Variants in TMEM132D observed in about 807,000 individuals in gnomAD.
TMEM132D encodes mature OL transmembrane protein.
TMEM132D carries 21 observed loss-of-function variants against 62.3 expected under a neutral mutation model. The observed-to-expected ratio is 0.34, with a 90% CI of 0.24 to 0.49. The LOEUF (loss-of-function observed/expected upper bound fraction) is 0.49, where lower values mean the gene tolerates loss of function less well. TMEM132D is among the 20% of genes least tolerant of loss of function. The pLI, the probability that TMEM132D is intolerant of heterozygous loss-of-function variation, is 0.99. For synonymous variants in TMEM132D, 621 were observed against 575.6 expected (o/e 1.08, Z -1.13); for missense variants, 1,346 against 1,402.8 (o/e 0.96, Z 0.65).
At chr12:129,396,193 C>T (rs1366927608) in intron 3 of TMEM132D, among the ~76,000 whole-genome samples, 1 of 151,842 alleles carries the variant, frequency 6.6e-6, no homozygotes, top group East Asian at 1.9e-4. Flanking sequence ...TTAGCATAAA[C>T]ACACTTACGT....
intron 4 of TMEM132D, among the ~76,000 whole-genome samples, chr12:129,225,227 C>G (rs1879450490): frequency 6.6e-6 from 1 of 152,216 alleles, no homozygotes; most frequent in African/African-American, 2.4e-5. Flanking sequence ...ATGACTGGCG[C>G]ATACTAAGCA....
chr12:129,099,099 G>C (rs1467213025), intron 5 of TMEM132D, among the ~76,000 whole-genome samples: 1 of 152,134 alleles, frequency 6.6e-6, no homozygotes, highest in Non-Finnish European at 1.5e-5. Flanking sequence ...ATTTCCTGCT[G>C]TGCAGGCCCT....
intron 2 of TMEM132D, among the ~76,000 whole-genome samples, chr12:129,571,259 G>A (rs155697): frequency 0.39 from 59,509 of 151,942 alleles, 11,798 homozygotes; most frequent in East Asian, 0.54. Flanking sequence ...ACTCTTTATT[G>A]TCTAAGTGTT....
intron 1 of TMEM132D, among the ~76,000 whole-genome samples, chr12:129,808,192 C>T (rs78473502): frequency 0.014 from 2,118 of 152,290 alleles, 51 homozygotes; most frequent in African/African-American, 0.049. Context: ...TAATCACACA[C>T]GTCAACACCA....
At chr12:129,335,492 C>A (rs1395432482) in intron 4 of TMEM132D, among the ~76,000 whole-genome samples, 1 of 152,024 alleles carries the variant, frequency 6.6e-6, no homozygotes, top group Non-Finnish European at 1.5e-5. Flanking sequence ...AGGTATTATC[C>A]CTGTAACTCC....
At chr12:129,895,961 CTCTT>C (rs1593202575) in intron 1 of TMEM132D, among the ~76,000 whole-genome samples, 13 of 99,796 alleles carry the variant, frequency 1.3e-4, no homozygotes, top group South Asian at 3.1e-4. Context: ...TTCTCTGTCT[CTCTT>C]TTTTTTTTTT....
At chr12:129,778,098 G>C (rs1245805704) in intron 1 of TMEM132D, among the ~76,000 whole-genome samples, 2 of 118,544 alleles carry the variant, frequency 1.7e-5, no homozygotes, top group African/African-American at 6.6e-5. Flanking sequence ...CTGGGCAACA[G>C]AGTGAGACCC....
intron 4 of TMEM132D, among the ~76,000 whole-genome samples, chr12:129,238,226 C>A (rs1190615567): frequency 3.3e-5 from 5 of 152,082 alleles, no homozygotes. Flanking sequence ...TTATTCAATG[C>A]AATAGAAGGT....
In TMEM132D at chr12:129,539,601, G is replaced by A. The variant is rs141403731; in HGVS notation, c.969-8396C>T. ...TTTTTTTTTTTCTTTTAGCAGAGAC[G>A]GGATTTCACCATGTTGCCCAGACTG... On this transcript the variant is annotated intron_variant, in intron 2 of 8. Coordinates refer to ENST00000422113, the MANE Select transcript of TMEM132D (RefSeq NM_133448.3). Among the ~76,000 whole-genome samples the A allele has an allele frequency of 5.2e-3, 782 of 150,080 alleles. 7 individuals carry two copies. The highest frequency in any genetic ancestry group is 0.018 in the African/African-American group (734 of 40,878).
chr12:129,274,136 G>A (rs1022912261), intron 4 of TMEM132D, among the ~76,000 whole-genome samples: 2 of 151,724 alleles, frequency 1.3e-5, no homozygotes, highest in African/African-American at 2.4e-5. Flanking sequence ...AGATGATGCC[G>A]GAAGTCTTAT....
chr12:129,515,302 C>A (rs777882966), intron 3 of TMEM132D, among the ~76,000 whole-genome samples: 1 of 152,008 alleles, frequency 6.6e-6, no homozygotes, highest in Non-Finnish European at 1.5e-5. Context: ...TCAGAAAAGA[C>A]GTTTTGTACA....
intron 1 of TMEM132D, among the ~76,000 whole-genome samples, chr12:129,837,818 T>C (rs1034481631): frequency 1.3e-4 from 20 of 152,196 alleles, no homozygotes; most frequent in African/African-American, 4.6e-4. Flanking sequence ...CCACGAAATA[T>C]ACATGAAATG....
At chr12:129,826,962 A>G (rs1305279483) in intron 1 of TMEM132D, among the ~76,000 whole-genome samples, 1 of 152,252 alleles carries the variant, frequency 6.6e-6, no homozygotes, top group Non-Finnish European at 1.5e-5. Flanking sequence ...AGCTGACTAA[A>G]TAAGTCTTGT....
intron 1 of TMEM132D, among the ~76,000 whole-genome samples, chr12:129,728,798 T>C (rs1869120592): frequency 6.6e-6 from 1 of 152,160 alleles, no homozygotes; most frequent in Non-Finnish European, 1.5e-5. Flanking sequence ...GAAACAGACA[T>C]TGCCCAAACT....
chr12:129,757,704 C>A (rs1870216112), intron 1 of TMEM132D, among the ~76,000 whole-genome samples: 1 of 152,134 alleles, frequency 6.6e-6, no homozygotes, highest in South Asian at 2.1e-4. Flanking sequence ...GAGGTCCTTC[C>A]TTAAAACTAC....
intron 1 of TMEM132D, among the ~76,000 whole-genome samples, chr12:129,786,881 A>G (rs766850732): frequency 1.2e-4 from 18 of 152,090 alleles, no homozygotes; most frequent in Admixed American, 2.6e-4. Flanking sequence ...ACAGAGTGAG[A>G]CCCTGTCTCA....
intron 5 of TMEM132D, among the ~76,000 whole-genome samples, chr12:129,151,817 A>G (rs1020012186): frequency 1.1e-4 from 16 of 150,144 alleles, no homozygotes; most frequent in African/African-American, 3.4e-4. Context: ...ATATTTGTAT[A>G]TTACCTGGAC....
At chr12:129,819,694 G>A (rs1015258099) in intron 1 of TMEM132D, among the ~76,000 whole-genome samples, 6 of 152,168 alleles carry the variant, frequency 3.9e-5, no homozygotes, top group South Asian at 2.1e-4. Flanking sequence ...TGCCTGGCAC[G>A]TAGTTAGTGC....
intron 2 of TMEM132D, among the ~76,000 whole-genome samples, chr12:129,667,098 T>C (rs1478037331): frequency 2.0e-5 from 3 of 152,184 alleles, no homozygotes; most frequent in Non-Finnish European, 2.9e-5. Flanking sequence ...ATCATACTGA[T>C]GTGGGGCCGG....
Sources: allele counts gnomAD v4.1 joint callset (sites outside exome capture counted in the v4.1 genomes callset), GRCh38; gene constraint gnomAD v4.1.1; transcripts MANE v1.5; gene names NCBI Gene and HGNC (gene_info 2026-07-23, HGNC 2026-07-21).